The following NOSTRIN variants were observed in gnomAD, a reference collection of about 807,000 sequenced individuals.
NOSTRIN encodes BM247 homolog.
A neutral mutation model predicts 59.0 loss-of-function variants in NOSTRIN; 63 were observed. That is an observed-to-expected ratio of 1.07 (90% CI 0.87 to 1.32). The LOEUF is 1.32. Ranked by LOEUF, NOSTRIN falls within the 40% of genes most tolerant of loss-of-function variation. The pLI is 0.00. For missense variants in NOSTRIN, 512 were observed against 473.1 expected, an observed-to-expected ratio of 1.08 and a Z score of -0.76; for synonymous variants, 200 against 165.4, an observed-to-expected ratio of 1.21 and a Z score of -1.61.
At chr2:168,839,997 G>A (rs1687978391) in intron 7 of NOSTRIN, among the ~76,000 whole-genome samples, 1 of 150,550 alleles carries the variant, frequency 6.6e-6, no homozygotes. Flanking sequence ...TAAATTTGCT[G>A]AGCAGAAAAT....
chr2:168,821,944 A>G (rs1366392315), intron 2 of NOSTRIN, among the ~76,000 whole-genome samples: 1 of 152,202 alleles, frequency 6.6e-6, no homozygotes, highest in African/African-American at 2.4e-5. Flanking sequence ...GGCTCTCAAC[A>G]CATTTTAATT....
intron 2 of NOSTRIN, among the ~76,000 whole-genome samples, chr2:168,790,708 A>T (rs994467726): frequency 2.0e-5 from 3 of 152,210 alleles, no homozygotes; most frequent in African/African-American, 7.2e-5. Flanking sequence ...CACAATACTG[A>T]ACTGGATCCT....
chr2:168,840,541 A>C (rs200533762), intron 7 of NOSTRIN, among the ~76,000 whole-genome samples: 29,835 of 147,056 alleles, frequency 0.2, 3,559 homozygotes, highest in African/African-American at 0.33. Context: ...AAAAAAAAAA[A>C]AAAAAAAAAA....
At chr2:168,817,906 T>C (rs1686498229) in intron 2 of NOSTRIN, among the ~76,000 whole-genome samples, 1 of 152,236 alleles carries the variant, frequency 6.6e-6, no homozygotes, top group African/African-American at 2.4e-5. Context: ...TAATGAACTT[T>C]AAATACAATC....
chr2:168,817,692 C>A (rs1686487980), intron 2 of NOSTRIN, among the ~76,000 whole-genome samples: 1 of 152,148 alleles, frequency 6.6e-6, no homozygotes, highest in South Asian at 2.1e-4. Flanking sequence ...TTCCCTGGGC[C>A]AGAGTGAGCC....
chr2:168,824,409 G>A (rs1269558606), intron 2 of NOSTRIN, among the ~76,000 whole-genome samples: 7 of 151,522 alleles, frequency 4.6e-5, no homozygotes, highest in Non-Finnish European at 7.4e-5. Context: ...AGCGATTCTC[G>A]CACCTCAGCC....
chr2:168,857,309 T>C (rs2105780397), intron 12 of NOSTRIN, among the ~76,000 whole-genome samples: 1 of 152,300 alleles, frequency 6.6e-6, no homozygotes, highest in East Asian at 1.9e-4. Context: ...TTTCCATTCA[T>C]CCCTCTGCTG....
At chr2:168,820,594 G>A (rs1279248797) in intron 2 of NOSTRIN, among the ~76,000 whole-genome samples, 1 of 151,840 alleles carries the variant, frequency 6.6e-6, no homozygotes, top group Non-Finnish European at 1.5e-5. Flanking sequence ...TAAGGTACTT[G>A]TCTGTAAAGA....
chr2:168,812,550 C>A (rs1469867919), intron 2 of NOSTRIN, among the ~76,000 whole-genome samples: 1 of 152,116 alleles, frequency 6.6e-6, no homozygotes, highest in African/African-American at 2.4e-5. Context: ...ATGGGAGAGG[C>A]CTTAGTTCAA....
chr2:168,860,787 T>A lies in NOSTRIN; in HGVS notation c.1180-8T>A. ...TACAAAATATGACTTTTTATGTCAT[T>A]TGAACAGGAGCATACTCATAGCTAT... On this transcript the variant is annotated splice_region_variant and splice_polypyrimidine_tract_variant and intron_variant, in intron 13 of 15. Transcript: ENST00000317647. 6.5e-7 allele frequency: 1 copy of A among 1,534,274 alleles called. No individual in the cohort carries two copies. The highest frequency in any genetic ancestry group is 1.7e-4 in the Middle Eastern group (1 of 5,906).
At chr2:168,802,399 C>T, upstream of NOSTRIN, 3 of 475,910 alleles carry the variant, frequency 6.3e-6, no homozygotes, top group East Asian at 7.9e-5. Flanking sequence ...ATCCTGCCCT[C>T]TGAGGGTTTA....
At chr2:168,798,708 G>A (rs932403272), upstream of NOSTRIN, among the ~76,000 whole-genome samples, 2 of 152,164 alleles carry the variant, frequency 1.3e-5, no homozygotes, top group African/African-American at 2.4e-5. Context: ...GACCAGAGAC[G>A]AATCTGAGAA....
chr2:168,819,516 A>G (rs1202258383), intron 2 of NOSTRIN, among the ~76,000 whole-genome samples: 1 of 152,178 alleles, frequency 6.6e-6, no homozygotes, highest in Non-Finnish European at 1.5e-5. Context: ...AACCGTTAAC[A>G]TCTGTTGAGA....
chr2:168,788,913 A>AGATT (rs1685273681), intron 2 of NOSTRIN, among the ~76,000 whole-genome samples: 1 of 151,886 alleles, frequency 6.6e-6, no homozygotes, highest in Non-Finnish European at 1.5e-5. Context: ...ATAGATAGAT[A>AGATT]GATAGATAGA....
In NOSTRIN at chr2:168,851,143, C is replaced by G. The variant is rs774598528; in HGVS notation, c.690C>G (p.Tyr230Ter). The G allele has an allele frequency of 1.9e-6, 3 of 1,606,700 alleles. No individual in the cohort carries two copies. Among genetic ancestry groups the G allele is most frequent in the South Asian group, 1.1e-5 (1 of 90,990 alleles). ...TTTTATGCAATAACTTAAACCAGTACAGCCAACATATTTCTCTTTTTGGCC... is the reference window on the plus strand; with the variant it reads ...TTTTATGCAATAACTTAAACCAGTAGAGCCAACATATTTCTCTTTTTGGCC... ...IQLLCNNLNQ[Y>*]SQHISLFGQT... Residue 230 changes from tyrosine (Y) to a stop codon, truncating the protein, a stop_gained, in exon 9 of 16, where the codon TAC (tyrosine) becomes TAG (stop). Coordinates refer to ENST00000317647, the MANE Select transcript of NOSTRIN (RefSeq NM_001039724.4). LOFTEE classifies it high-confidence loss of function.
Position 168,859,585 on chromosome 2 carries a change from G to T in NOSTRIN, c.1127G>T (p.Arg376Ile). Residue 376 changes from arginine (R) to isoleucine (I), a missense_variant, in exon 13 of 16, where the codon AGA becomes ATA. Transcript: ENST00000317647. ...LSSMLAELEQRPQPSHPCSNS... is the reference protein window; with the variant it reads ...LSSMLAELEQIPQPSHPCSNS... ...TCAATGTTAGCAGAACTTGAGCAAA[G>T]ACCTCAACCCAGCCATCCTTGTAGT... 6.2e-7 allele frequency: 1 copy of T among 1,614,070 alleles called. No individual in the cohort carries two copies. The highest frequency in any genetic ancestry group is 8.5e-7 in the Non-Finnish European group (1 of 1,179,994).
At chr2:168,790,490 G>C (rs1169777535) in intron 2 of NOSTRIN, among the ~76,000 whole-genome samples, 1 of 152,160 alleles carries the variant, frequency 6.6e-6, no homozygotes, top group Non-Finnish European at 1.5e-5. Context: ...ATGCAATAAA[G>C]ATCACAGCAT....
chr2:168,805,270 G>T (rs1218567086), intron 1 of NOSTRIN, among the ~76,000 whole-genome samples: 1 of 152,180 alleles, frequency 6.6e-6, no homozygotes, highest in African/African-American at 2.4e-5. Context: ...GCATAAGATT[G>T]CCTAAATGCT....
At chr2:168,817,500 T>C (rs918808234) in intron 2 of NOSTRIN, among the ~76,000 whole-genome samples, 1 of 152,148 alleles carries the variant, frequency 6.6e-6, no homozygotes, top group African/African-American at 2.4e-5. Flanking sequence ...TACAGTGGAA[T>C]TCTGCATAAA....
Sources: allele counts gnomAD v4.1 joint callset (sites outside exome capture counted in the v4.1 genomes callset), GRCh38; gene constraint gnomAD v4.1.1; transcripts MANE v1.5; gene names NCBI Gene and HGNC (gene_info 2026-07-23, HGNC 2026-07-21).